The following GADL1 variants were observed in gnomAD, a reference collection of about 807,000 sequenced individuals.
GADL1 encodes the protein GAD like acidic amino acid decarboxylase 1.
Under a neutral mutation model 69.5 loss-of-function variants are expected in GADL1, and 71 were observed. That is an observed-to-expected ratio of 1.02 (90% CI 0.84 to 1.25). The LOEUF is 1.25. Among genes scored for constraint, GADL1 ranks in the 50% most tolerant of loss-of-function variants. The pLI is 0.00. For missense variants in GADL1, 737 were observed against 631.8 expected (o/e 1.17, Z -1.79); for synonymous variants, 254 against 214.4 (o/e 1.18, Z -1.62).
chr3:30,868,933 C>G, intron 1 of GADL1, among the ~76,000 whole-genome samples: 1 of 151,666 alleles, frequency 6.6e-6, no homozygotes, highest in Non-Finnish European at 1.5e-5. Flanking sequence ...ACGCTGGGGA[C>G]CAAGGGAGGC....
intron 11 of GADL1, among the ~76,000 whole-genome samples, chr3:30,816,701 A>T (rs1697480415): frequency 6.6e-6 from 1 of 151,104 alleles, no homozygotes; most frequent in African/African-American, 2.4e-5. Flanking sequence ...GCATGCCACC[A>T]TCCCTGGCTA....
rs28395481 is a variant in GADL1, at chr3:30,872,545, T to C, written c.38-10780A>G. On this transcript the variant is annotated intron_variant, in intron 1 of 14. Coordinates refer to ENST00000282538, the MANE Select transcript of GADL1 (RefSeq NM_207359.3). Reference sequence around the variant, plus strand: ...AATAGAAGGCCTGTTTTTAGTTTGCTTGTTTACTTGAGGCCATTTTTGGTC... The same window carrying C: ...AATAGAAGGCCTGTTTTTAGTTTGCCTGTTTACTTGAGGCCATTTTTGGTC... 6.5e-3 allele frequency among the ~76,000 whole-genome samples: 994 copies of C among 152,058 alleles called. 15 individuals carry two copies. The highest frequency in any genetic ancestry group is 0.023 in the African/African-American group (958 of 41,548).
At chr3:30,811,759 G>C (rs9809583) in intron 11 of GADL1, among the ~76,000 whole-genome samples, 22,655 of 152,150 alleles carry the variant, frequency 0.15, 1,932 homozygotes, top group East Asian at 0.31. Flanking sequence ...AGAACAATTG[G>C]TACAGTGATT....
chr3:30,797,223 T>C (rs1159664), intron 12 of GADL1, among the ~76,000 whole-genome samples: 126,691 of 152,124 alleles, frequency 0.83, 52,992 homozygotes, highest in African/African-American at 0.9. Context: ...ACACCCCAGC[T>C]GCTGTGATAT....
intron 14 of GADL1, among the ~76,000 whole-genome samples, chr3:30,757,088 G>GA (rs1695992358): frequency 6.6e-6 from 1 of 152,120 alleles, no homozygotes; most frequent in African/African-American, 2.4e-5. Context: ...CTCACCTCGA[G>GA]ACTAAGGCTG....
rs143294817 is a variant in GADL1 at position 30,834,246 on chromosome 3, C to T, written c.939G>A (p.Lys313=). ...SWGGSALMSR[K]HRKLLHGIHR... Reference sequence around the variant, plus strand: ...GGATGCCATGCAGAAGCTTGCGGTGCTTCCTCGACATCAAAGCTGAGCCAC... The same window carrying T: ...GGATGCCATGCAGAAGCTTGCGGTGTTTCCTCGACATCAAAGCTGAGCCAC... Residue 313 remains lysine (K), a synonymous_variant, in exon 10 of 15, where the codon AAG becomes AAA. Transcript: ENST00000282538. 67 of 1,612,752 alleles carry T rather than the reference C, an allele frequency of 4.2e-5. No individual in the cohort carries two copies. Among genetic ancestry groups the T allele is most frequent in the Non-Finnish European group, 5.5e-5 (65 of 1,179,222 alleles).
At chr3:30,793,020 T>C (rs1353255401) in intron 12 of GADL1, among the ~76,000 whole-genome samples, 1 of 152,172 alleles carries the variant, frequency 6.6e-6, no homozygotes, top group African/African-American at 2.4e-5. Context: ...AAAAAATGCT[T>C]CTATATTACA....
At chr3:30,756,019 G>C (rs1016359562) in intron 14 of GADL1, among the ~76,000 whole-genome samples, 1 of 152,094 alleles carries the variant, frequency 6.6e-6, no homozygotes, top group African/African-American at 2.4e-5. Context: ...CCCAGGCCTC[G>C]CAGGAGAAAC....
At chr3:30,756,710 T>A (rs1215276422) in intron 14 of GADL1, among the ~76,000 whole-genome samples, 3 of 151,980 alleles carry the variant, frequency 2.0e-5, no homozygotes, top group Non-Finnish European at 4.4e-5. Flanking sequence ...CGGAGGAGAG[T>A]TTAGTTGTCC....
intron 14 of GADL1, among the ~76,000 whole-genome samples, chr3:30,751,517 TGCTATTTGCCTATGAAAATAGGCAA>T (rs897523599): frequency 6.6e-6 from 1 of 151,320 alleles, no homozygotes; most frequent in Non-Finnish European, 1.5e-5. Context: ...GATCTTGTAA[TGCTATTTGCCTATGAAAATAGGCAA>T]GCTGGAAATA....
rs563479432 is a variant in GADL1 at position 30,783,649 on chromosome 3, AAG to A, written c.1302+2704_1302+2705del. Among the ~76,000 whole-genome samples the A allele has an allele frequency of 4.0e-3, 266 of 66,220 alleles. 2 individuals carry two copies. Among genetic ancestry groups the A allele is most frequent in the Middle Eastern group, 0.011 (1 of 94 alleles). The allele number at this position is 66,220 out of a possible 152,430, so 43.4% of individuals were successfully genotyped here. On this transcript the variant is annotated intron_variant, in intron 13 of 14. Coordinates refer to ENST00000282538, the MANE Select transcript of GADL1 (RefSeq NM_207359.3). ...TCTGCTTTATTCTCAGTGTAATAAA[AAG>A]AAAAGCGGCAAATGCAGATCACATA...
At chr3:30,767,498 G>A (rs892396050) in intron 14 of GADL1, among the ~76,000 whole-genome samples, 2 of 152,212 alleles carry the variant, frequency 1.3e-5, no homozygotes, top group East Asian at 3.9e-4. Context: ...TAAAGTGTTA[G>A]GAGGAATTAA....
At chr3:30,781,967 C>A (rs1035733148) in intron 13 of GADL1, among the ~76,000 whole-genome samples, 3 of 151,944 alleles carry the variant, frequency 2.0e-5, no homozygotes, top group African/African-American at 7.3e-5. Flanking sequence ...AAATAATGTC[C>A]AGCGAGGGGT....
chr3:30,827,145 AATAG>A (rs1559353819), intron 11 of GADL1, among the ~76,000 whole-genome samples: 2 of 151,936 alleles, frequency 1.3e-5, no homozygotes, highest in South Asian at 2.1e-4. Flanking sequence ...TGGTATTGGA[AATAG>A]ATACAGATTT....
intron 14 of GADL1, among the ~76,000 whole-genome samples, chr3:30,767,265 C>CT (rs1223025510): frequency 2.0e-5 from 3 of 151,946 alleles, no homozygotes; most frequent in South Asian, 2.1e-4. Flanking sequence ...AAAAGATGCC[C>CT]TTTTTAACTT....
intron 14 of GADL1, among the ~76,000 whole-genome samples, chr3:30,741,136 A>G (rs1472230703): frequency 9.3e-6 from 1 of 107,170 alleles, no homozygotes; most frequent in Non-Finnish European, 1.9e-5. Context: ...ATATATATAT[A>G]TATGTGTGAG....
rs149664790 is a variant in GADL1, at chr3:30,790,856, C to T, written c.1251-4450G>A. On this transcript the variant is annotated intron_variant, in intron 12 of 14. Transcript: ENST00000282538. The stretch of plus-strand genomic sequence containing the variant: ...TATTCATAAGTAGGGAATTAAAATG[C>T]GGACTATAGCAACATAATGTAATAT... Among the ~76,000 whole-genome samples the T allele has an allele frequency of 2.4e-3, 363 of 152,024 alleles. 3 individuals carry two copies. The highest frequency in any genetic ancestry group is 8.1e-3 in the African/African-American group (334 of 41,474).
chr3:30,855,340 A>G (rs1698212457), intron 3 of GADL1, among the ~76,000 whole-genome samples: 1 of 151,978 alleles, frequency 6.6e-6, no homozygotes, highest in Non-Finnish European at 1.5e-5. Context: ...TTTGAACACT[A>G]TTTGTCCAAG....
At chr3:30,758,800 T>C (rs1184434803) in intron 14 of GADL1, among the ~76,000 whole-genome samples, 4 of 152,252 alleles carry the variant, frequency 2.6e-5, no homozygotes, top group Non-Finnish European at 5.9e-5. Flanking sequence ...CAGAATCCTA[T>C]GCCATCCTTG....
Sources: gnomAD v4.1 joint callset for allele counts (sites outside exome capture counted in the v4.1 genomes callset) on GRCh38, gnomAD v4.1.1 for gene constraint, MANE v1.5 for transcripts, NCBI Gene and HGNC (gene_info 2026-07-23, HGNC 2026-07-21) for gene names.